Variants in MYO16 observed in about 807,000 individuals in gnomAD.
MYO16 encodes the protein myosin XVI.
MYO16 carries 94 observed loss-of-function variants against 205.3 expected under a neutral mutation model. The ratio of observed to expected loss-of-function variants is 0.46; its 90% CI spans 0.39 to 0.54. The LOEUF is 0.54. Among genes scored for constraint, MYO16 ranks in the 20% least tolerant of loss-of-function variants. The pLI is 0.00. For missense variants in MYO16, 2,315 were observed against 2,387.5 expected, an observed-to-expected ratio of 0.97 and a Z score of 0.63; for synonymous variants, 988 against 954.0, an observed-to-expected ratio of 1.04 and a Z score of -0.66.
At chr13:108,963,010 T>G (rs778143155) in intron 19 of MYO16, among the ~76,000 whole-genome samples, 3 of 152,256 alleles carry the variant, frequency 2.0e-5, no homozygotes, top group Admixed American at 1.3e-4. Flanking sequence ...TAAATAACTT[T>G]GAACCTCAAA....
chr13:108,659,362 A>G (rs781200873), intron 1 of MYO16: 7 of 429,298 alleles, frequency 1.6e-5, no homozygotes, highest in Non-Finnish European at 3.3e-5. Context: ...TTAGATGTCT[A>G]GGTATAGATA....
intron 28 of MYO16, among the ~76,000 whole-genome samples, chr13:109,111,300 A>G (rs1406928552): frequency 6.6e-6 from 1 of 152,202 alleles, no homozygotes; most frequent in Non-Finnish European, 1.5e-5. Flanking sequence ...CAGGAAGGAA[A>G]GCAAATCTGA....
At chr13:108,834,107 C>T in intron 9 of MYO16, among the ~76,000 whole-genome samples, 1 of 152,096 alleles carries the variant, frequency 6.6e-6, no homozygotes, top group East Asian at 1.9e-4. Context: ...AGAAGTTATA[C>T]AGGAAAGAAA....
intron 20 of MYO16, among the ~76,000 whole-genome samples, chr13:108,985,972 C>T (rs1884614853): frequency 6.6e-6 from 1 of 152,276 alleles, no homozygotes; most frequent in East Asian, 1.9e-4. Context: ...TTAATGGACT[C>T]ACAGTTCCAC....
At chr13:109,018,633 G>A (rs895217213) in intron 22 of MYO16, among the ~76,000 whole-genome samples, 1 of 152,184 alleles carries the variant, frequency 6.6e-6, no homozygotes, top group African/African-American at 2.4e-5. Context: ...AGCGAAGCAT[G>A]GGATATAATC....
chr13:109,177,521 T>A (rs1385161318), intron 33 of MYO16, among the ~76,000 whole-genome samples: 6 of 151,854 alleles, frequency 4.0e-5, no homozygotes, highest in Non-Finnish European at 8.8e-5. Context: ...TTATTTATTA[T>A]TTATTTATTT....
chr13:108,644,627 T>TA (rs1880670716), intron 1 of MYO16, among the ~76,000 whole-genome samples: 1 of 152,214 alleles, frequency 6.6e-6, no homozygotes, highest in Non-Finnish European at 1.5e-5. Context: ...TAACAGTCTC[T>TA]AAAATGCATA....
intron 9 of MYO16, among the ~76,000 whole-genome samples, chr13:108,826,739 C>T (rs959134296): frequency 4.6e-5 from 7 of 151,978 alleles, no homozygotes; most frequent in African/African-American, 1.7e-4. Flanking sequence ...TATGTTTCTT[C>T]AAAGAAGATA....
chr13:108,638,874 G>A (rs190033741), intron 1 of MYO16, among the ~76,000 whole-genome samples: 74 of 152,282 alleles, frequency 4.9e-4, no homozygotes, highest in Non-Finnish European at 4.4e-5. Context: ...GCTGGGGCAA[G>A]CTCATCAGAG....
chr13:108,936,094 T>C (rs922053266), intron 16 of MYO16, among the ~76,000 whole-genome samples: 1 of 21,144 alleles, frequency 4.7e-5, no homozygotes, highest in Non-Finnish European at 1.9e-4. Context: ...GTTTCCTTCC[T>C]TCCTTCCTTC....
chr13:108,717,042 C>A (rs997664503), intron 3 of MYO16, among the ~76,000 whole-genome samples: 3 of 149,904 alleles, frequency 2.0e-5, no homozygotes, highest in Non-Finnish European at 3.0e-5. Context: ...CTCATGAGGC[C>A]AGTATAGAAG....
At chr13:108,643,416 C>T (rs557813634) in intron 1 of MYO16, among the ~76,000 whole-genome samples, 3 of 152,232 alleles carry the variant, frequency 2.0e-5, no homozygotes, top group East Asian at 1.9e-4. Context: ...AAAGACATTC[C>T]GGTTGATTGT....
chr13:108,672,547 AT>A (rs1455192910), intron 2 of MYO16, among the ~76,000 whole-genome samples: 1 of 151,758 alleles, frequency 6.6e-6, no homozygotes, highest in Admixed American at 6.6e-5. Flanking sequence ...TTATAAATGT[AT>A]TTTTTTGTCA....
intron 16 of MYO16, among the ~76,000 whole-genome samples, chr13:108,933,996 C>T (rs1882374134): frequency 6.6e-6 from 1 of 152,042 alleles, no homozygotes; most frequent in South Asian, 2.1e-4. Flanking sequence ...TTATTGAACT[C>T]ACTGTTGATG....
chr13:109,189,969 T>A (rs989148015), intron 34 of MYO16, among the ~76,000 whole-genome samples: 12 of 152,136 alleles, frequency 7.9e-5, no homozygotes, highest in Non-Finnish European at 1.3e-4. Flanking sequence ...TGTTTTGTAT[T>A]TTATACAAAG....
At position 108,883,229 on chromosome 13, in the gene MYO16, C is replaced by T. The variant is rs375735238; in HGVS notation, c.1553+43C>T. The T allele has an allele frequency of 3.6e-5, 58 of 1,593,310 alleles. 1 individual carries two copies. The highest frequency in any genetic ancestry group is 1.7e-4 in the Middle Eastern group (1 of 5,986). ...TTGTCTGCCAGGCTCAGGTTTGCCA[C>T]GGGGCTTGGCAGTAAAGATGTACTC... On this transcript the variant is annotated intron_variant, in intron 13 of 34. Transcript: ENST00000457511.
At chr13:108,563,524 A>C in the MYO16 span, among the ~76,000 whole-genome samples, 8 of 152,102 alleles carry the variant, frequency 5.3e-5, no homozygotes, top group Admixed American at 2.0e-4. Flanking sequence ...CCATTCTTCT[A>C]ATTTCTATGT....
At chr13:108,968,866 C>T (rs1465213079) in intron 20 of MYO16, among the ~76,000 whole-genome samples, 4 of 152,310 alleles carry the variant, frequency 2.6e-5, no homozygotes, top group African/African-American at 9.6e-5. Context: ...AGGAAGACTG[C>T]CCTGAGCCCT....
the MYO16 span, among the ~76,000 whole-genome samples, chr13:108,536,903 C>T: frequency 3.9e-5 from 6 of 152,086 alleles, no homozygotes; most frequent in Non-Finnish European, 8.8e-5. Flanking sequence ...TTAAGTCCAT[C>T]ATCACAAATA....
Sources: gnomAD v4.1 joint callset for allele counts (sites outside exome capture counted in the v4.1 genomes callset) on GRCh38, gnomAD v4.1.1 for gene constraint, MANE v1.5 for transcripts, NCBI Gene and HGNC (gene_info 2026-07-23, HGNC 2026-07-21) for gene names.